The following AOAH variants were observed in gnomAD, a reference collection of about 807,000 sequenced individuals.
AOAH encodes acyloxyacyl hydrolase, also known as acyloxyacyl hydrolase (neutrophil).
AOAH carries 64 observed loss-of-function variants against 92.2 expected under a neutral mutation model. The ratio of observed to expected loss-of-function variants is 0.69; its 90% CI spans 0.57 to 0.86. The LOEUF (loss-of-function observed/expected upper bound fraction) is 0.86. Ranked by LOEUF, AOAH falls within the 40% of genes least tolerant of loss-of-function variation. AOAH has a pLI of 0.00. For synonymous variants in AOAH, 263 were observed against 254.5 expected, an observed-to-expected ratio of 1.03 and a Z score of -0.32; for missense variants, 656 against 694.6, an observed-to-expected ratio of 0.94 and a Z score of 0.62.
intron 11 of AOAH, among the ~76,000 whole-genome samples, chr7:36,606,869 A>C (rs1372572764): frequency 6.6e-6 from 1 of 152,168 alleles, no homozygotes; most frequent in African/African-American, 2.4e-5. Context: ...GGTCGATTTG[A>C]ACCTAACTAC....
At chr7:36,575,240 A>C (rs1477404704) in intron 13 of AOAH, among the ~76,000 whole-genome samples, 1 of 152,182 alleles carries the variant, frequency 6.6e-6, no homozygotes, top group East Asian at 1.9e-4. Flanking sequence ...TCTGCAGATC[A>C]TCTGGGATCA....
intron 5 of AOAH, among the ~76,000 whole-genome samples, chr7:36,636,670 A>G (rs1409505177): frequency 6.6e-6 from 1 of 152,248 alleles, no homozygotes; most frequent in Non-Finnish European, 1.5e-5. Flanking sequence ...AGAAATGCCT[A>G]CATATTGCCT....
intron 4 of AOAH, among the ~76,000 whole-genome samples, chr7:36,654,506 C>A (rs1264196788): frequency 6.6e-6 from 1 of 152,144 alleles, no homozygotes; most frequent in Non-Finnish European, 1.5e-5. Flanking sequence ...CTGTGAGCCC[C>A]AAATGCAGTT....
chr7:36,670,860 G>A (rs76245056), intron 3 of AOAH, among the ~76,000 whole-genome samples: 1 of 7,972 alleles, frequency 1.3e-4, no homozygotes, highest in Non-Finnish European at 2.1e-4. Context: ...GCAGTGATGA[G>A]TATTGTGTCT....
intron 12 of AOAH, among the ~76,000 whole-genome samples, chr7:36,590,359 A>G (rs1342768929): frequency 1.3e-5 from 2 of 152,236 alleles, no homozygotes; most frequent in East Asian, 3.9e-4. Context: ...CACACTGAAG[A>G]AAAATCCCAG....
In AOAH at chr7:36,535,507, T is replaced by C. The variant is rs1371331023; in HGVS notation, c.1307-3163A>G. ...CACCAAGGTATTTTAAAAAGACATTTGGTTTCAAGTTTAAGAGTAATTGGG... is the reference window on the plus strand; with the variant it reads ...CACCAAGGTATTTTAAAAAGACATTCGGTTTCAAGTTTAAGAGTAATTGGG... On this transcript the variant is annotated intron_variant, in intron 16 of 20. Transcript: ENST00000617537. 2.0e-5 allele frequency among the ~76,000 whole-genome samples: 3 copies of C among 152,148 alleles called. No homozygotes were observed. The East Asian group carries it at 5.8e-4, about 29-fold the overall frequency.
intron 16 of AOAH, 95 bp downstream of exon 16, chr7:36,540,224 T>C (rs1785328269): frequency 8.3e-7 from 1 of 1,207,488 alleles, no homozygotes; most frequent in East Asian, 2.6e-5. Flanking sequence ...CATGATGGCA[T>C]TTTAGGCACA....
In AOAH at chr7:36,584,600, T is replaced by C. The variant is rs557523691; in HGVS notation, c.939-7944A>G. On this transcript the variant is annotated intron_variant, in intron 12 of 20. Coordinates refer to ENST00000617537, the MANE Select transcript of AOAH (RefSeq NM_001637.4). ...TTTGTTGATTACATATGGCTAATAT[T>C]TTAATGTTAATTGTGTGATTTAATA... Among the ~76,000 whole-genome samples, 8 of 152,338 alleles carry C rather than the reference T, an allele frequency of 5.3e-5. No homozygotes were observed. The South Asian group carries it at 1.7e-3, about 32-fold the overall frequency.
chr7:36,718,966 A>T (rs1364881695), intron 1 of AOAH, among the ~76,000 whole-genome samples: 3 of 152,210 alleles, frequency 2.0e-5, no homozygotes, highest in Non-Finnish European at 4.4e-5. Flanking sequence ...GCTGTTATTT[A>T]AAACAATATG....
At chr7:36,655,673 C>A (rs185452489) in intron 4 of AOAH, among the ~76,000 whole-genome samples, 15 of 152,264 alleles carry the variant, frequency 9.9e-5, no homozygotes, top group African/African-American at 3.6e-4. Context: ...GTGAGGCCTT[C>A]ACATGAGGAA....
intron 1 of AOAH, among the ~76,000 whole-genome samples, chr7:36,713,299 C>T (rs1374393027): frequency 9.3e-6 from 1 of 107,728 alleles, no homozygotes; most frequent in Non-Finnish European, 2.0e-5. Flanking sequence ...ATATATGCAC[C>T]CAATACAGGA....
Position 36,513,361 on chromosome 7 carries a change from G to T in AOAH, c.1619C>A (p.Ala540Glu), listed in dbSNP as rs763520293. ...CTGCACCTTTTTCCAGAAATGATCC[G>T]CCAACAACAGCAAAGCCACCTGTGA... ...HPNEVALLLL[A>E]DHFWKKVQLQ... The change falls in exon 21 of 21, where the codon GCG becomes GAG. Residue 540 changes from alanine (A) to glutamate (E), a missense_variant. By Grantham distance (107) the Ala-to-Glu change is moderately radical. Coordinates refer to ENST00000617537, the MANE Select transcript of AOAH (RefSeq NM_001637.4). The T allele has an allele frequency of 1.2e-6, 2 of 1,613,924 alleles. No homozygotes were observed. The highest frequency in any genetic ancestry group is 1.7e-6 in the Non-Finnish European group (2 of 1,179,868).
chr7:36,659,273 GA>G lies in AOAH; in HGVS notation c.291-9del. The G allele has an allele frequency of 6.2e-7, 1 of 1,610,632 alleles. No homozygotes were observed. The highest frequency in any genetic ancestry group is 2.2e-5 in the East Asian group (1 of 44,870). ...TTCATATCTGCGCTAAGCCTGGAGG[GA>G]AACGGTGCAAAACAAAGGCTATTCA... On this transcript the variant is annotated splice_polypyrimidine_tract_variant and intron_variant, in intron 3 of 20. Transcript: ENST00000617537.
chr7:36,678,584 TGTGTGTGTGTGTGTGTGCGCGCGC>T (rs911929473), intron 2 of AOAH, among the ~76,000 whole-genome samples: 5 of 105,814 alleles, frequency 4.7e-5, no homozygotes, highest in East Asian at 3.1e-4. Context: ...TGTGTGTGTG[TGTGTGTGTGTGTGTGTGCGCGCGC>T]GCGCGCGTTA....
At position 36,523,638 on chromosome 7, in the gene AOAH, T is replaced by TTTG. The variant is rs1554363711; in HGVS notation, c.1523-1524_1523-1523insCAA. Reference sequence around the variant, plus strand: ...CTGGCCTGTTTTGCCTGTTTTTTTTTTTTTTTTTTTTGGCATGTCCTTGGA... The same window carrying TTTG: ...CTGGCCTGTTTTGCCTGTTTTTTTTTTTGTTTTTTTTTTTGGCATGTCCTTGGA... On this transcript the variant is annotated intron_variant, in intron 19 of 20. Transcript: ENST00000617537. Among the ~76,000 whole-genome samples, 6 of 141,086 alleles carry TTTG rather than the reference T, an allele frequency of 4.3e-5. 1 individual carries two copies. The East Asian group carries it at 8.2e-4, about 19-fold the overall frequency. 92.6% of individuals were successfully genotyped at this position (141,086 alleles called of 152,430 possible). A position where few individuals can be genotyped will look rare whatever the true frequency, so the allele number is the denominator to read the frequency against.
rs142858220 is a variant in AOAH, at chr7:36,517,262, C to CTCTTTCTTTCTTTCTTTCTTTCTTTCTT, written c.1600-3910_1600-3883dup. ...TCTCTCTCTTTCTTTCTGTGTCTCT[C>CTCTTTCTTTCTTTCTTTCTTTCTTTCTT]TCTTTCTTTCTTTCTTTCTTTCTTT... On this transcript the variant is annotated intron_variant, in intron 20 of 20. Coordinates refer to ENST00000617537, the MANE Select transcript of AOAH (RefSeq NM_001637.4). 4.4e-3 allele frequency among the ~76,000 whole-genome samples: 586 copies of CTCTTTCTTTCTTTCTTTCTTTCTTTCTT among 132,684 alleles called. 29 individuals are homozygous for CTCTTTCTTTCTTTCTTTCTTTCTTTCTT. The highest frequency in any genetic ancestry group is 0.016 in the African/African-American group (516 of 31,940). 87.0% of individuals were successfully genotyped at this position (132,684 alleles called of 152,430 possible). A position where few individuals can be genotyped will look rare whatever the true frequency, so the allele number is the denominator to read the frequency against.
At chr7:36,604,585 C>T (rs943272010) in intron 11 of AOAH, among the ~76,000 whole-genome samples, 2 of 152,210 alleles carry the variant, frequency 1.3e-5, no homozygotes, top group African/African-American at 2.4e-5. Flanking sequence ...TTGCCACCAT[C>T]GTGCCAACTT....
At chr7:36,717,008 AT>A (rs1799239003) in intron 1 of AOAH, among the ~76,000 whole-genome samples, 2 of 149,136 alleles carry the variant, frequency 1.3e-5, no homozygotes, top group Non-Finnish European at 2.9e-5. Flanking sequence ...AAATAAATAA[AT>A]AAATAAATAA....
In AOAH at chr7:36,522,070, A is replaced by T. The variant is rs1784132465; in HGVS notation, c.1568T>A (p.Ile523Asn). Reference protein sequence around the residue: ...QKRGGQPWQLIEPVDGFHPNE... With the variant: ...QKRGGQPWQLNEPVDGFHPNE... The stretch of plus-strand genomic sequence containing the variant: ...GGGGTGGAATCCATCCACGGGCTCG[A>T]TGAGCTGCCAGGGCTGTCCGCCTCT... The change falls in exon 20 of 21, where the codon ATC becomes AAC. Residue 523 changes from isoleucine to asparagine, a missense_variant. By Grantham distance (149) the Ile-to-Asn change is moderately radical. Transcript: ENST00000617537. The T allele has an allele frequency of 6.2e-7, 1 of 1,614,104 alleles. No individual in the cohort carries two copies.
Sources: gnomAD v4.1 joint callset for allele counts (sites outside exome capture counted in the v4.1 genomes callset) on GRCh38, gnomAD v4.1.1 for gene constraint, MANE v1.5 for transcripts, NCBI Gene and HGNC (gene_info 2026-07-23, HGNC 2026-07-21) for gene names.